The following RSRC1 variants were observed in gnomAD, a reference collection of about 807,000 sequenced individuals.
RSRC1 encodes the protein arginine and serine rich coiled-coil 1.
A neutral mutation model predicts 49.1 loss-of-function variants in RSRC1; 39 were observed. The ratio of observed to expected loss-of-function variants is 0.79; its 90% CI spans 0.61 to 1.04. The LOEUF (loss-of-function observed/expected upper bound fraction) is 1.04, where lower values mean the gene tolerates loss of function less well. Ranked by LOEUF, RSRC1 falls within the 50% of genes least tolerant of loss-of-function variation. RSRC1 has a pLI of 0.00. For missense variants in RSRC1, 388 were observed against 402.4 expected (o/e 0.96, Z 0.31); for synonymous variants, 143 against 130.8 (o/e 1.09, Z -0.63).
At chr3:158,198,050 A>G (rs1720752081) in intron 3 of RSRC1, among the ~76,000 whole-genome samples, 1 of 152,018 alleles carries the variant, frequency 6.6e-6, no homozygotes, top group African/African-American at 2.4e-5. Context: ...TATGCTTGTT[A>G]ACTTTCTGTC....
intron 7 of RSRC1, among the ~76,000 whole-genome samples, chr3:158,474,637 C>T (rs1270939739): frequency 6.6e-6 from 1 of 152,216 alleles, no homozygotes; most frequent in Non-Finnish European, 1.5e-5. Context: ...AAGTTGGAGT[C>T]AATCCTTTCA....
chr3:158,228,948 G>A (rs867808727), intron 4 of RSRC1, among the ~76,000 whole-genome samples: 1 of 121,454 alleles, frequency 8.2e-6, no homozygotes, highest in Non-Finnish European at 1.9e-5. Flanking sequence ...GTGTATATGT[G>A]TGTATAAACA....
rs560625675 is a variant in RSRC1, at chr3:158,530,149, T to A, written c.653-6943T>A. 2.0e-5 allele frequency among the ~76,000 whole-genome samples: 3 copies of A among 152,090 alleles called. No individual in the cohort carries two copies. In the South Asian group the frequency reaches 6.2e-4, roughly 32 times the overall value. Reference sequence around the variant, plus strand: ...AATATTGCCAGCTTATTATAAACCATACTGTCAGAAATATACAGATTTATA... The same window carrying A: ...AATATTGCCAGCTTATTATAAACCAAACTGTCAGAAATATACAGATTTATA... On this transcript the variant is annotated intron_variant, in intron 7 of 9. Coordinates refer to ENST00000611884, the MANE Select transcript of RSRC1 (RefSeq NM_001271838.2).
chr3:158,387,966 C>T (rs1281568532), intron 6 of RSRC1, among the ~76,000 whole-genome samples: 1 of 152,078 alleles, frequency 6.6e-6, no homozygotes, highest in East Asian at 1.9e-4. Context: ...TGCACAGAAG[C>T]ATAATCTATC....
At chr3:158,352,724 A>T (rs1730944599) in intron 5 of RSRC1, among the ~76,000 whole-genome samples, 1 of 152,140 alleles carries the variant, frequency 6.6e-6, no homozygotes, top group African/African-American at 2.4e-5. Flanking sequence ...CAAATTTCGT[A>T]ACCCTGGGCT....
intron 7 of RSRC1, among the ~76,000 whole-genome samples, chr3:158,499,705 G>C (rs1739505659): frequency 6.6e-6 from 1 of 152,126 alleles, no homozygotes; most frequent in Admixed American, 6.5e-5. Context: ...GTATAGAAAA[G>C]CTACTGATTT....
chr3:158,332,257 A>G (rs1029632267), intron 5 of RSRC1, among the ~76,000 whole-genome samples: 1 of 152,130 alleles, frequency 6.6e-6, no homozygotes, highest in African/African-American at 2.4e-5. Flanking sequence ...ACTTTCCTGA[A>G]GTAGAGATCA....
At chr3:158,172,715 T>A (rs1467618828) in intron 3 of RSRC1, among the ~76,000 whole-genome samples, 2 of 152,174 alleles carry the variant, frequency 1.3e-5, no homozygotes, top group Admixed American at 6.5e-5. Flanking sequence ...TCTTTTAGGA[T>A]GTTTACTTAA....
At chr3:158,487,949 G>GGAAAAAAAAAAAAAAAAAAAAAAAA (rs1553814781) in intron 7 of RSRC1, among the ~76,000 whole-genome samples, 4 of 28,922 alleles carry the variant, frequency 1.4e-4, no homozygotes, top group Non-Finnish European at 2.4e-4. Context: ...TCCATCTCAA[G>GGAAAAAAAAAAAAAAAAAAAAAAAA]AAAAAAAAAA....
intron 3 of RSRC1, among the ~76,000 whole-genome samples, chr3:158,190,315 A>C (rs1206660332): frequency 1.3e-5 from 2 of 151,968 alleles, no homozygotes; most frequent in East Asian, 3.9e-4. Flanking sequence ...TGATTGTAAT[A>C]ATCTGTTACC....
chr3:158,161,932 A>T (rs1718250807), intron 3 of RSRC1, among the ~76,000 whole-genome samples: 1 of 152,178 alleles, frequency 6.6e-6, no homozygotes. Flanking sequence ...AGTGAAGCAA[A>T]TCGTATCACT....
At chr3:158,423,870 CTCTG>C (rs1262924585) in intron 6 of RSRC1, among the ~76,000 whole-genome samples, 3 of 151,050 alleles carry the variant, frequency 2.0e-5, no homozygotes, top group Non-Finnish European at 4.4e-5. Context: ...TGATTTGGCT[CTCTG>C]TCTGTTATTG....
chr3:158,504,811 C>T (rs1009832012), intron 7 of RSRC1, among the ~76,000 whole-genome samples: 5 of 152,090 alleles, frequency 3.3e-5, no homozygotes, highest in African/African-American at 1.2e-4. Context: ...ATAATCTCAA[C>T]GGTAGGATAA....
At chr3:158,293,073 T>C (rs1173024623) in intron 4 of RSRC1, among the ~76,000 whole-genome samples, 1 of 152,130 alleles carries the variant, frequency 6.6e-6, no homozygotes, top group Non-Finnish European at 1.5e-5. Context: ...CTGACCAAAG[T>C]AAAAGTAAAG....
chr3:158,286,879 T>G lies in RSRC1; in HGVS notation c.495-11160T>G, dbSNP rs1303179571. ...TTTCGCTCTGTCACCCAGGCTGGAGTGCAGTGGCACGATCTCAGCTCACTG... is the reference window on the plus strand; with the variant it reads ...TTTCGCTCTGTCACCCAGGCTGGAGGGCAGTGGCACGATCTCAGCTCACTG... On this transcript the variant is annotated intron_variant, in intron 4 of 9. Coordinates refer to ENST00000611884, the MANE Select transcript of RSRC1 (RefSeq NM_001271838.2). 2.0e-5 allele frequency among the ~76,000 whole-genome samples: 3 copies of G among 152,180 alleles called. 1 individual carries two copies. Among genetic ancestry groups the G allele is most frequent in the African/African-American group, 7.2e-5 (3 of 41,432 alleles).
intron 6 of RSRC1, among the ~76,000 whole-genome samples, chr3:158,369,765 T>C (rs1022098416): frequency 1.3e-5 from 2 of 152,070 alleles, no homozygotes; most frequent in Non-Finnish European, 2.9e-5. Context: ...TGTTCTATAT[T>C]TGTAAAGGAT....
At chr3:158,445,097 G>A (rs565408620) in intron 6 of RSRC1, among the ~76,000 whole-genome samples, 15 of 152,256 alleles carry the variant, frequency 9.9e-5, no homozygotes, top group East Asian at 1.9e-4. Flanking sequence ...ACAGTGTGGC[G>A]ATTCCTCAAG....
chr3:158,233,715 C>T (rs1724676), intron 4 of RSRC1, among the ~76,000 whole-genome samples: 93,322 of 151,856 alleles, frequency 0.61, 29,025 homozygotes, highest in East Asian at 0.73. Context: ...CAAAAGACAA[C>T]CCCTGATCAT....
intron 6 of RSRC1, among the ~76,000 whole-genome samples, chr3:158,427,605 A>G (rs976161941): frequency 2.0e-5 from 3 of 151,838 alleles, no homozygotes; most frequent in Non-Finnish European, 2.9e-5. Context: ...TATGTACTAG[A>G]GAGTTCAGAA....
Sources: gnomAD v4.1 joint callset for allele counts (sites outside exome capture counted in the v4.1 genomes callset) on GRCh38, gnomAD v4.1.1 for gene constraint, MANE v1.5 for transcripts, NCBI Gene and HGNC (gene_info 2026-07-23, HGNC 2026-07-21) for gene names.